The following TBP variants were observed in gnomAD, a reference collection of about 807,000 sequenced individuals.
TBP encodes TATA-box binding protein.
Under a neutral mutation model 46.2 loss-of-function variants are expected in TBP, and 12 were observed. The ratio of observed to expected loss-of-function variants is 0.26; its 90% confidence interval spans 0.17 to 0.42. TBP has a LOEUF of 0.42. Among genes scored for constraint, TBP ranks in the 10% least tolerant of loss-of-function variants. The probability of loss-of-function intolerance (pLI) is 1.00; values close to 1 mark genes in which losing one functional copy is unlikely to be tolerated. For missense variants in TBP, 229 were observed against 403.1 expected (o/e 0.57, Z 3.70); for synonymous variants, 157 against 148.3 (o/e 1.06, Z -0.42).
intron 2 of TBP, among the ~76,000 whole-genome samples, chr6:170,558,671 A>C (rs1779079328): frequency 6.7e-6 from 1 of 149,060 alleles, no homozygotes; most frequent in African/African-American, 2.5e-5. Context: ...TATTGTTATC[A>C]AACTTTTTTT....
In TBP at chr6:170,561,786, C is replaced by T. The variant is rs370653451; in HGVS notation, c.55-5C>T. 1 of 1,605,640 alleles carries T rather than the reference C, an allele frequency of 6.2e-7. No individual in the cohort carries two copies. Reference sequence around the variant, plus strand: ...CTAACCTGTTTTTCTCCTTGCTTTCCACAGGGTGCCATGACTCCCGGAATC... The same window carrying T: ...CTAACCTGTTTTTCTCCTTGCTTTCTACAGGGTGCCATGACTCCCGGAATC... On this transcript the variant is annotated splice_region_variant and splice_polypyrimidine_tract_variant and intron_variant, in intron 2 of 7. Transcript: ENST00000392092.
At chr6:170,568,404 G>C (rs1779304906) in intron 5 of TBP, among the ~76,000 whole-genome samples, 1 of 151,998 alleles carries the variant, frequency 6.6e-6, no homozygotes, top group South Asian at 2.1e-4. Flanking sequence ...TGTTCTTCCT[G>C]ATCCCCTGCA....
intron 5 of TBP, among the ~76,000 whole-genome samples, chr6:170,568,574 C>G (rs1779308929): frequency 6.6e-6 from 1 of 151,888 alleles, no homozygotes; most frequent in Non-Finnish European, 1.5e-5. Flanking sequence ...CTTGCCTCAG[C>G]CTCCCGAGTA....
Position 170,562,181 on chromosome 6 carries a change from A to G in TBP, c.445A>G (p.Ile149Val). The part of the protein sequence containing the change: ...YPSPMTPMTP[I>V]TPATPASESS... ...CTCCCCCATGACTCCCATGACCCCC[A>G]TCACTCCTGCCACGCCAGCTTCGGA... The change falls in exon 3 of 8, where the codon ATC becomes GTC. Residue 149 changes from isoleucine to valine, a missense_variant. This residue lies in a region of TBP where 67 missense variants were observed against 188.2 expected (regional missense o/e 0.36). Coordinates refer to ENST00000392092, the MANE Select transcript of TBP (RefSeq NM_003194.5). 1 of 1,613,934 alleles carries G rather than the reference A, an allele frequency of 6.2e-7. No homozygotes were observed. Among genetic ancestry groups the G allele is most frequent in the Non-Finnish European group, 8.5e-7 (1 of 1,179,972 alleles).
chr6:170,564,857 A>T (rs890367697), intron 4 of TBP, among the ~76,000 whole-genome samples: 1 of 129,730 alleles, frequency 7.7e-6, no homozygotes, highest in Non-Finnish European at 1.7e-5. Flanking sequence ...CCTGTCTCTT[A>T]AAAAAAAAAA....
chr6:170,564,453 A>G lies in TBP; in HGVS notation c.498-92A>G, dbSNP rs1181749770. 3 of 847,466 alleles carry G rather than the reference A, an allele frequency of 3.5e-6. No individual in the cohort carries two copies. In the African/African-American group the frequency reaches 5.2e-5, roughly 15 times the overall value. 52.5% of individuals were successfully genotyped at this position (847,466 alleles called of 1,614,324 possible). The stretch of plus-strand genomic sequence containing the variant: ...ATTAAAAAAAAGTAAAGCCTGGTTG[A>G]AATAATCAGATGTCTGCATAATTTC... On this transcript the variant is annotated intron_variant, in intron 3 of 7. Transcript: ENST00000392092.
intron 2 of TBP, among the ~76,000 whole-genome samples, chr6:170,560,032 C>T (rs936541664): frequency 2.6e-5 from 4 of 152,172 alleles, no homozygotes; most frequent in Non-Finnish European, 5.9e-5. Context: ...TTGAGATCTG[C>T]TCAGAAAAAA....
chr6:170,572,147 A>G (rs553936079), intron 7 of TBP, 39 bp from the exon 8 acceptor site: 108 of 1,500,186 alleles, frequency 7.2e-5, no homozygotes, highest in Non-Finnish European at 8.6e-5. Flanking sequence ...AAGAAGTGCC[A>G]TTTCAGTCTC....
At chr6:170,568,457 TTG>T (rs1254858791) in intron 5 of TBP, among the ~76,000 whole-genome samples, 2 of 41,134 alleles carry the variant, frequency 4.9e-5, no homozygotes, top group East Asian at 6.4e-3. Context: ...TTCTTTTTTG[TTG>T]TTGTTGTTGT....
intron 5 of TBP, among the ~76,000 whole-genome samples, chr6:170,567,715 C>T (rs1285632280): frequency 2.0e-5 from 3 of 152,222 alleles, no homozygotes; most frequent in Non-Finnish European, 4.4e-5. Flanking sequence ...TGCCTTCTCA[C>T]TGGAACTAGC....
At chr6:170,561,545 A>G (rs1779138342) in intron 2 of TBP, among the ~76,000 whole-genome samples, 1 of 152,206 alleles carries the variant, frequency 6.6e-6, no homozygotes, top group South Asian at 2.1e-4. Flanking sequence ...CTTTCAAAGA[A>G]CAGAAGTTTT....
Position 170,569,337 on chromosome 6 carries a change from C to T in TBP, c.678-275C>T, listed in dbSNP as rs2076318. ...GGCTAAAATACAGAAATAGTGATGA[C>T]TGATGATGGTGATAATTCACATCCA... On this transcript the variant is annotated intron_variant, in intron 5 of 7. Coordinates refer to ENST00000392092, the MANE Select transcript of TBP (RefSeq NM_003194.5). Among the ~76,000 whole-genome samples the T allele has an allele frequency of 0.58, 87,831 of 152,080 alleles. 26,337 individuals carry two copies. Among genetic ancestry groups the T allele is most frequent in the East Asian group, 0.79 (4,064 of 5,170 alleles).
intron 2 of TBP, among the ~76,000 whole-genome samples, chr6:170,559,810 C>T (rs1448239081): frequency 1.3e-5 from 2 of 152,188 alleles, no homozygotes; most frequent in African/African-American, 4.8e-5. Context: ...AAATCAGTGC[C>T]TAGCCTCAAA....
chr6:170,563,683 A>G (rs966713874), intron 3 of TBP, among the ~76,000 whole-genome samples: 6 of 152,160 alleles, frequency 3.9e-5, no homozygotes, highest in African/African-American at 1.4e-4. Flanking sequence ...GCTGAAACCT[A>G]TTGTATTTGA....
In TBP at chr6:170,562,686, A is replaced by G. The variant is rs545663602; in HGVS notation, c.497+453A>G. ...ATCTTTGAAGGTCTGTGTCCTTCCC[A>G]CAAAATGAAGACGACTGTTTTTGTC... On this transcript the variant is annotated intron_variant, in intron 3 of 7. Transcript: ENST00000392092. 2.6e-5 allele frequency among the ~76,000 whole-genome samples: 4 copies of G among 152,334 alleles called. No homozygotes were observed. The South Asian group carries it at 8.3e-4, about 32-fold the overall frequency.
Position 170,572,613 on chromosome 6 carries a change from CT to C in TBP, c.*353del, listed in dbSNP as rs1380937602. ...AAAGCCACCTCTATAATTGATTGGACTTTTTAATTTTAATGTTTTTCCCCAT... is the reference window on the plus strand; with the variant it reads ...AAAGCCACCTCTATAATTGATTGGACTTTTAATTTTAATGTTTTTCCCCAT... On this transcript the variant is annotated 3_prime_UTR_variant, in exon 8 of 8. Coordinates refer to ENST00000392092, the MANE Select transcript of TBP (RefSeq NM_003194.5). 2 of 215,502 alleles carry C rather than the reference CT, an allele frequency of 9.3e-6. No individual in the cohort carries two copies. The highest frequency in any genetic ancestry group is 4.6e-5 in the African/African-American group (2 of 43,822). The allele number at this position is 215,502 out of a possible 1,614,324, so 13.3% of individuals were successfully genotyped here. A position where few individuals can be genotyped will look rare whatever the true frequency, so the allele number is the denominator to read the frequency against.
At position 170,566,972 on chromosome 6, in the gene TBP, T is replaced by G; in HGVS notation, c.640T>G (p.Phe214Val). ...IREPRTTALI[F>V]SSGKMVCTGA... is the part of the protein sequence containing the mutation. The stretch of plus-strand genomic sequence containing the variant: ...AGAGCCACGAACCACGGCACTGATT[T>G]TCAGTTCTGGGAAAATGGTGTGCAC... Residue 214 changes from phenylalanine (F) to valine (V), a missense_variant, in exon 5 of 8, where the codon TTC becomes GTC. Phe to Val is a conservative substitution (Grantham distance 50). Around this residue, in one of 4 missense-constraint regions of TBP, gnomAD observed 67 missense variants for 188.2 expected, o/e 0.36. Coordinates refer to ENST00000392092, the MANE Select transcript of TBP (RefSeq NM_003194.5). 6.2e-7 allele frequency: 1 copy of G among 1,613,770 alleles called. No homozygotes were observed. The highest frequency in any genetic ancestry group is 8.5e-7 in the Non-Finnish European group (1 of 1,179,822).
chr6:170,564,214 G>A (rs1779201022), intron 3 of TBP, among the ~76,000 whole-genome samples: 1 of 152,196 alleles, frequency 6.6e-6, no homozygotes, highest in Non-Finnish European at 1.5e-5. Flanking sequence ...GCTAAGGGCA[G>A]GCTCTGGAGA....
chr6:170,572,360 G>A lies in TBP; in HGVS notation c.*95G>A. ...GTACCTTTAAATGGTGGTGTTGTGA[G>A]AAGATGGATGTTGAGTTGCAGGGTG... On this transcript the variant is annotated 3_prime_UTR_variant, in exon 8 of 8. Coordinates refer to ENST00000392092, the MANE Select transcript of TBP (RefSeq NM_003194.5). 1 of 1,030,942 alleles carries A rather than the reference G, an allele frequency of 9.7e-7. No homozygotes were observed. Among genetic ancestry groups the A allele is most frequent in the Non-Finnish European group, 1.5e-6 (1 of 681,898 alleles). The allele number at this position is 1,030,942 out of a possible 1,614,324, so 63.9% of individuals were successfully genotyped here.
Sources: allele counts gnomAD v4.1 joint callset (sites outside exome capture counted in the v4.1 genomes callset), GRCh38; gene constraint gnomAD v4.1.1; regional missense constraint gnomAD v4.1.1; transcripts MANE v1.5; gene names NCBI Gene and HGNC (gene_info 2026-07-23, HGNC 2026-07-21).